GALNT1: variants seen among roughly 807,000 people sequenced by gnomAD.
GALNT1 encodes the protein GalNAc transferase 1.
A neutral mutation model predicts 65.7 loss-of-function variants in GALNT1; 17 were observed. The observed-to-expected ratio is 0.26, with a 90% CI of 0.18 to 0.39. The LOEUF is 0.39. Ranked by LOEUF, GALNT1 falls within the 10% of genes least tolerant of loss-of-function variation. The pLI, the probability that GALNT1 is intolerant of heterozygous loss-of-function variation, is 1.00. For synonymous variants in GALNT1, 210 were observed against 219.7 expected, an observed-to-expected ratio of 0.96 and a Z score of 0.39; for missense variants, 460 against 672.8, an observed-to-expected ratio of 0.68 and a Z score of 3.50.
At chr18:35,670,266 C>A (rs1376746847) in intron 3 of GALNT1, among the ~76,000 whole-genome samples, 1 of 151,910 alleles carries the variant, frequency 6.6e-6, no homozygotes, top group Non-Finnish European at 1.5e-5. Context: ...TGCACTCCAG[C>A]CTCGGTGACA....
chr18:35,615,469 T>C (rs2046771913), intron 1 of GALNT1, among the ~76,000 whole-genome samples: 1 of 152,096 alleles, frequency 6.6e-6, no homozygotes, highest in African/African-American at 2.4e-5. Flanking sequence ...AACTTAAGCC[T>C]CCAGAATAAA....
At chr18:35,671,755 A>G (rs2047639907) in intron 3 of GALNT1, among the ~76,000 whole-genome samples, 1 of 151,826 alleles carries the variant, frequency 6.6e-6, no homozygotes, top group Non-Finnish European at 1.5e-5. Flanking sequence ...CTTTTCCTTT[A>G]TTAGTAAGAC....
At chr18:35,628,208 G>A (rs2046946077) in intron 1 of GALNT1, among the ~76,000 whole-genome samples, 1 of 152,172 alleles carries the variant, frequency 6.6e-6, no homozygotes, top group Non-Finnish European at 1.5e-5. Context: ...CTGACAGCTT[G>A]GAAGAGAGTA....
chr18:35,634,032 C>T (rs1441894988), intron 1 of GALNT1, among the ~76,000 whole-genome samples: 1 of 152,088 alleles, frequency 6.6e-6, no homozygotes, highest in Non-Finnish European at 1.5e-5. Context: ...TTCCAAATGA[C>T]CATTTGAGTT....
chr18:35,647,522 AT>A (rs11299220), intron 1 of GALNT1, among the ~76,000 whole-genome samples: 34,256 of 152,062 alleles, frequency 0.23, 4,339 homozygotes, highest in African/African-American at 0.34. Context: ...AGGCTCTTTT[AT>A]TTGTATTGGA....
At chr18:35,692,057 T>C in intron 8 of GALNT1, 124 bp from the exon 9 acceptor site, 1 of 744,262 alleles carries the variant, frequency 1.3e-6, no homozygotes, top group Non-Finnish European at 2.2e-6. Flanking sequence ...TCTCCACTTG[T>C]ATAGTCACAT....
At chr18:35,705,775 TA>T (rs2048247170) in intron 11 of GALNT1, among the ~76,000 whole-genome samples, 1 of 152,238 alleles carries the variant, frequency 6.6e-6, no homozygotes, top group Non-Finnish European at 1.5e-5. Flanking sequence ...TTATTTTTCT[TA>T]CATAAGTCTA....
At chr18:35,636,208 C>T (rs2047086882) in intron 1 of GALNT1, among the ~76,000 whole-genome samples, 1 of 152,070 alleles carries the variant, frequency 6.6e-6, no homozygotes, top group Non-Finnish European at 1.5e-5. Flanking sequence ...TTTACAGACC[C>T]TTTAGTAGGA....
chr18:35,650,337 T>TA (rs1188980673), intron 1 of GALNT1, among the ~76,000 whole-genome samples: 1 of 152,026 alleles, frequency 6.6e-6, no homozygotes, highest in Admixed American at 6.6e-5. Flanking sequence ...CACAAGGTAT[T>TA]AAAAAATATC....
At chr18:35,640,776 T>G (rs2047150484) in intron 1 of GALNT1, among the ~76,000 whole-genome samples, 1 of 152,176 alleles carries the variant, frequency 6.6e-6, no homozygotes, top group African/African-American at 2.4e-5. Flanking sequence ...ACCCAGAAAC[T>G]TGGCTTGTGA....
chr18:35,584,956 A>G (rs2046363371), intron 1 of GALNT1, among the ~76,000 whole-genome samples: 1 of 152,238 alleles, frequency 6.6e-6, no homozygotes, highest in African/African-American at 2.4e-5. Context: ...AATGTGTGCC[A>G]CACCCAGTGC....
intron 1 of GALNT1, among the ~76,000 whole-genome samples, chr18:35,645,218 G>GTTTTT (rs1166987925): frequency 7.4e-5 from 4 of 54,326 alleles, no homozygotes; most frequent in Admixed American, 2.6e-4. Flanking sequence ...TATTTTGAAT[G>GTTTTT]TTTTTTTTTT....
intron 1 of GALNT1, among the ~76,000 whole-genome samples, chr18:35,642,249 T>G (rs894699325): frequency 1.3e-5 from 2 of 152,108 alleles, no homozygotes; most frequent in South Asian, 2.1e-4. Context: ...AGTAGAGAAA[T>G]AGGTTTGCTA....
intron 7 of GALNT1, 130 bp from the exon 8 acceptor site, chr18:35,690,866 TACCAGTAACTACAATA>T (rs1341812353): frequency 1.5e-5 from 9 of 607,872 alleles, no homozygotes; most frequent in African/African-American, 1.1e-4. Flanking sequence ...GGAAGCTTTT[TACCAGTAACTACAATA>T]TGTTCCATTT....
Position 35,709,655 on chromosome 18 carries a change from A to G in GALNT1, c.1565A>G (p.Gln522Arg). ...KLTLQHVNSN[Q>R]CLDKATEEDS... ...ACCCTGCAGCATGTGAACAGTAATC[A>G]GTGCCTGGATAAAGCCACAGAAGAG... is the stretch of plus-strand genomic sequence containing the variant. Residue 522 changes from glutamine to arginine, a missense_variant, in exon 12 of 12, where the codon CAG (glutamine) becomes CGG (arginine). Physicochemically the swap from Gln to Arg is conservative, Grantham distance 43. Transcript: ENST00000269195. The G allele has an allele frequency of 6.2e-7, 1 of 1,614,164 alleles. No homozygotes were observed. Among genetic ancestry groups the G allele is most frequent in the Non-Finnish European group, 8.5e-7 (1 of 1,179,994 alleles).
chr18:35,630,270 G>T (rs758323843), intron 1 of GALNT1, among the ~76,000 whole-genome samples: 19 of 152,028 alleles, frequency 1.2e-4, no homozygotes, highest in Non-Finnish European at 2.4e-4. Context: ...GCACCACACC[G>T]CAGTTACTCC....
rs1366567580 is a variant in GALNT1, at chr18:35,659,303, T to TA, written c.140-4323dup. Among the ~76,000 whole-genome samples the TA allele has an allele frequency of 2.0e-5, 3 of 152,198 alleles. No individual in the cohort carries two copies. The East Asian group carries it at 5.8e-4, about 29-fold the overall frequency. The stretch of plus-strand genomic sequence containing the variant: ...AACATTGTTGTTGATATGCTGTACT[T>TA]AAGAGTTTTCTAAGATTCTTCTATT... On this transcript the variant is annotated intron_variant, in intron 2 of 11. Coordinates refer to ENST00000269195, the MANE Select transcript of GALNT1 (RefSeq NM_020474.4).
intron 3 of GALNT1, among the ~76,000 whole-genome samples, chr18:35,670,430 G>A (rs937535355): frequency 5.9e-5 from 9 of 152,276 alleles, no homozygotes; most frequent in Middle Eastern, 6.8e-3. Flanking sequence ...TACTTATAAT[G>A]TAGTCTGAAA....
intron 3 of GALNT1, among the ~76,000 whole-genome samples, chr18:35,666,881 TCACTACTAC>T (rs1004490814): frequency 2.0e-5 from 3 of 152,072 alleles, no homozygotes. Context: ...TAGCGCAGAG[TCACTACTAC>T]CACTGAGTAG....
Sources: allele counts gnomAD v4.1 joint callset (sites outside exome capture counted in the v4.1 genomes callset), GRCh38; gene constraint gnomAD v4.1.1; transcripts MANE v1.5; gene names NCBI Gene and HGNC (gene_info 2026-07-23, HGNC 2026-07-21).